The following ANGPT1 variants were observed in gnomAD, a reference collection of about 807,000 sequenced individuals.
The protein encoded by ANGPT1 is angiopoietin-1.
A neutral mutation model predicts 62.2 loss-of-function variants in ANGPT1; 17 were observed. That is an observed-to-expected ratio of 0.27 (90% CI 0.19 to 0.41). The LOEUF (loss-of-function observed/expected upper bound fraction) is 0.41, where lower values mean the gene tolerates loss of function less well. Ranked by LOEUF, ANGPT1 falls within the 10% of genes least tolerant of loss-of-function variation. The pLI, the probability that ANGPT1 is intolerant of heterozygous loss-of-function variation, is 1.00. For synonymous variants in ANGPT1, 199 were observed against 198.9 expected (o/e 1.00, Z 0.00); for missense variants, 478 against 594.9 (o/e 0.80, Z 2.04).
chr8:107,459,317 A>C (rs1241927005), intron 1 of ANGPT1, among the ~76,000 whole-genome samples: 3 of 152,130 alleles, frequency 2.0e-5, no homozygotes, highest in African/African-American at 4.8e-5. Context: ...TGGGAGACCC[A>C]GGCGGGCAGA....
At chr8:107,352,942 C>T (rs944461336) in intron 1 of ANGPT1, among the ~76,000 whole-genome samples, 2 of 151,686 alleles carry the variant, frequency 1.3e-5, no homozygotes, top group Admixed American at 6.6e-5. Flanking sequence ...TAAAATGCAA[C>T]TATATCTAGG....
At chr8:107,485,482 A>G (rs1437628742) in intron 1 of ANGPT1, among the ~76,000 whole-genome samples, 1 of 152,194 alleles carries the variant, frequency 6.6e-6, no homozygotes, top group Non-Finnish European at 1.5e-5. Flanking sequence ...AGTGACCCTC[A>G]AAACCCAAAT....
intron 8 of ANGPT1, among the ~76,000 whole-genome samples, chr8:107,253,097 C>T (rs1386817768): frequency 2.6e-5 from 4 of 152,184 alleles, no homozygotes; most frequent in African/African-American, 9.6e-5. Flanking sequence ...GTACAGCTGG[C>T]TTGTGTTTAT....
At chr8:107,478,787 C>G (rs548475035) in intron 1 of ANGPT1, among the ~76,000 whole-genome samples, 3 of 152,212 alleles carry the variant, frequency 2.0e-5, no homozygotes, top group African/African-American at 7.2e-5. Context: ...TACATACATA[C>G]AGCTTTTATA....
At chr8:107,315,715 A>G (rs1224697205) in intron 4 of ANGPT1, among the ~76,000 whole-genome samples, 2 of 152,010 alleles carry the variant, frequency 1.3e-5, no homozygotes, top group African/African-American at 2.4e-5. Flanking sequence ...TTTTTCATAC[A>G]ATGCACTCAT....
intron 1 of ANGPT1, among the ~76,000 whole-genome samples, chr8:107,444,723 C>T (rs543842323): frequency 6.6e-6 from 1 of 152,220 alleles, no homozygotes; most frequent in African/African-American, 2.4e-5. Context: ...AGTTTTATTA[C>T]TTCACAATGA....
chr8:107,452,192 C>T (rs1811795615), intron 1 of ANGPT1, among the ~76,000 whole-genome samples: 2 of 151,232 alleles, frequency 1.3e-5, no homozygotes, highest in Non-Finnish European at 3.0e-5. Context: ...TATTATTCTA[C>T]TACCGTCCAT....
In ANGPT1 at chr8:107,427,626, C is replaced by T. The variant is rs185380627; in HGVS notation, c.297+69636G>A. ...CTGTTTGATTCTCCCCTCCCTTTGT[C>T]CAAGTAAGATCTTCCACAATAATTA... On this transcript the variant is annotated intron_variant, in intron 1 of 8. Transcript: ENST00000517746. Among the ~76,000 whole-genome samples, 196 of 152,276 alleles carry T rather than the reference C, an allele frequency of 1.3e-3. 3 individuals are homozygous for T. Among genetic ancestry groups the T allele is most frequent in the Admixed American group, 0.012 (179 of 15,300 alleles).
intron 1 of ANGPT1, among the ~76,000 whole-genome samples, chr8:107,485,146 C>T (rs996691857): frequency 6.6e-6 from 1 of 152,188 alleles, no homozygotes; most frequent in Admixed American, 6.5e-5. Flanking sequence ...TTGAGCAATA[C>T]AGCGTGTGTT....
intron 1 of ANGPT1, among the ~76,000 whole-genome samples, chr8:107,421,798 G>C (rs1240051143): frequency 6.6e-6 from 1 of 152,094 alleles, no homozygotes; most frequent in Non-Finnish European, 1.5e-5. Flanking sequence ...GAAGTGATAG[G>C]CTTATCATTT....
chr8:107,415,634 T>A (rs907172160), intron 1 of ANGPT1, among the ~76,000 whole-genome samples: 16 of 152,182 alleles, frequency 1.1e-4, no homozygotes, highest in Admixed American at 1.0e-3. Context: ...ATTTAAAATC[T>A]TTCTCAATGG....
At chr8:107,443,621 C>A (rs1586326841) in intron 1 of ANGPT1, among the ~76,000 whole-genome samples, 2 of 148,784 alleles carry the variant, frequency 1.3e-5, no homozygotes, top group African/African-American at 4.9e-5. Context: ...CCAGCCTGAC[C>A]AACATGGAGA....
rs1002266763 is a variant in ANGPT1 at position 107,250,124 on chromosome 8, C to T, written c.*1731G>A. Reference sequence around the variant, plus strand: ...AGGAAACCATTAAGGCATAGTGGATCAAGTCACCAAGTTTGAAACTGGTAT... The same window carrying T: ...AGGAAACCATTAAGGCATAGTGGATTAAGTCACCAAGTTTGAAACTGGTAT... On this transcript the variant is annotated 3_prime_UTR_variant, in exon 9 of 9. Transcript: ENST00000517746. The T allele has an allele frequency of 1.3e-5, 2 of 152,278 alleles. No homozygotes were observed. The highest frequency in any genetic ancestry group is 2.9e-5 in the Non-Finnish European group (2 of 67,982). The allele number at this position is 152,278 out of a possible 1,614,324, so 9.4% of individuals were successfully genotyped here.
chr8:107,464,234 T>A (rs376549554), intron 1 of ANGPT1, among the ~76,000 whole-genome samples: 2 of 152,158 alleles, frequency 1.3e-5, no homozygotes, highest in East Asian at 3.8e-4. Flanking sequence ...ACACATATAG[T>A]ATTTGAAATG....
At chr8:107,276,831 G>A (rs960587261) in intron 7 of ANGPT1, among the ~76,000 whole-genome samples, 2 of 152,112 alleles carry the variant, frequency 1.3e-5, no homozygotes, top group African/African-American at 4.8e-5. Context: ...TCCCAATGAA[G>A]ATCTTGGCCA....
chr8:107,280,212 T>TA (rs1813970433), intron 7 of ANGPT1, among the ~76,000 whole-genome samples: 1 of 152,078 alleles, frequency 6.6e-6, no homozygotes, highest in South Asian at 2.1e-4. Context: ...TTTTATTTTT[T>TA]TTTTTGAGAT....
intron 2 of ANGPT1, among the ~76,000 whole-genome samples, chr8:107,342,782 T>TACACACACACAC (rs751210643): frequency 4.3e-5 from 6 of 138,634 alleles, no homozygotes; most frequent in African/African-American, 8.2e-5. Context: ...AACTGCCTAA[T>TACACACACACAC]ACACACACAC....
At chr8:107,403,411 A>G (rs2130336962) in intron 1 of ANGPT1, among the ~76,000 whole-genome samples, 1 of 152,280 alleles carries the variant, frequency 6.6e-6, no homozygotes, top group South Asian at 2.1e-4. Flanking sequence ...ATGGGAGGCA[A>G]GATTTGCCAA....
chr8:107,459,025 C>T (rs975393388), intron 1 of ANGPT1, among the ~76,000 whole-genome samples: 3 of 152,048 alleles, frequency 2.0e-5, no homozygotes, highest in Admixed American at 6.6e-5. Context: ...AGCATCGTCC[C>T]GCAACTTTCT....
Sources: gnomAD v4.1 joint callset for allele counts (sites outside exome capture counted in the v4.1 genomes callset) on GRCh38, gnomAD v4.1.1 for gene constraint, MANE v1.5 for transcripts, NCBI Gene and HGNC (gene_info 2026-07-23, HGNC 2026-07-21) for gene names.